The following C3orf33 variants were observed in gnomAD, a reference collection of about 807,000 sequenced individuals.
The protein encoded by C3orf33 is AP-1 activity suppressor.
C3orf33 carries 23 observed loss-of-function variants against 28.7 expected under a neutral mutation model. That is an observed-to-expected ratio of 0.80 (90% CI 0.58 to 1.13). The LOEUF (loss-of-function observed/expected upper bound fraction) is 1.13. Among genes scored for constraint, C3orf33 ranks in the 50% most tolerant of loss-of-function variants. The pLI is 0.00. For synonymous variants in C3orf33, 119 were observed against 120.5 expected (o/e 0.99, Z 0.08); for missense variants, 327 against 353.4 (o/e 0.93, Z 0.60).
intron 2 of C3orf33, among the ~76,000 whole-genome samples, chr3:155,798,852 A>C (rs1312587350): frequency 6.6e-6 from 1 of 152,200 alleles, no homozygotes; most frequent in Non-Finnish European, 1.5e-5. Flanking sequence ...AACAGGAGAA[A>C]ATATGTGCAA....
At chr3:155,787,913 C>T (rs1015519244) in intron 2 of C3orf33, among the ~76,000 whole-genome samples, 6 of 151,634 alleles carry the variant, frequency 4.0e-5, no homozygotes, top group Non-Finnish European at 4.4e-5. Context: ...CAGTATAGGC[C>T]GGGCGCGGTG....
chr3:155,799,419 T>G (rs1461426171), intron 2 of C3orf33, among the ~76,000 whole-genome samples: 1 of 152,172 alleles, frequency 6.6e-6, no homozygotes, highest in Admixed American at 6.6e-5. Context: ...CTGGGTGCAG[T>G]GGACCATGTC....
intron 4 of C3orf33, among the ~76,000 whole-genome samples, 197 bp downstream of exon 4, chr3:155,767,312 A>G (rs1269219942): frequency 2.0e-5 from 3 of 151,960 alleles, no homozygotes; most frequent in Non-Finnish European, 4.4e-5. Flanking sequence ...TATTTTTTCT[A>G]TATTAAACAT....
intron 2 of C3orf33, among the ~76,000 whole-genome samples, chr3:155,800,521 G>A (rs982202145): frequency 7.0e-6 from 1 of 142,464 alleles, no homozygotes; most frequent in African/African-American, 2.6e-5. Flanking sequence ...TGAGGATGAG[G>A]ATCACTTGAG....
At chr3:155,779,387 C>T (rs937587812) in intron 2 of C3orf33, among the ~76,000 whole-genome samples, 1 of 152,052 alleles carries the variant, frequency 6.6e-6, no homozygotes, top group Non-Finnish European at 1.5e-5. Context: ...CTCTGCCTCC[C>T]GGGTTCAGGC....
At chr3:155,805,591 C>T (rs1370627958) in intron 1 of C3orf33, 2 of 291,914 alleles carry the variant, frequency 6.9e-6, no homozygotes, top group African/African-American at 1.2e-4. Flanking sequence ...GGGTAGCGCA[C>T]GCAACCTGTG....
chr3:155,799,560 A>G (rs1041892405), intron 2 of C3orf33, among the ~76,000 whole-genome samples: 2 of 152,080 alleles, frequency 1.3e-5, no homozygotes, highest in African/African-American at 4.8e-5. Flanking sequence ...ATGGTGGCTC[A>G]CACCTGTGGT....
At chr3:155,784,939 A>G (rs1239118784) in intron 2 of C3orf33, among the ~76,000 whole-genome samples, 2 of 151,758 alleles carry the variant, frequency 1.3e-5, no homozygotes, top group Non-Finnish European at 2.9e-5. Flanking sequence ...AGATCAGCCT[A>G]ATTTATTTAA....
At chr3:155,778,242 T>A (rs970139915) in intron 2 of C3orf33, among the ~76,000 whole-genome samples, 2 of 151,704 alleles carry the variant, frequency 1.3e-5, no homozygotes, top group African/African-American at 4.8e-5. Context: ...CTTGTTTGAA[T>A]GTTGGATTGG....
chr3:155,767,754 C>G (rs1750457749), intron 3 of C3orf33, 85 bp from the exon 4 acceptor site: 1 of 880,102 alleles, frequency 1.1e-6, no homozygotes, highest in African/African-American at 1.7e-5. Context: ...AACAAACAAA[C>G]AAATATATTA....
intron 2 of C3orf33, among the ~76,000 whole-genome samples, chr3:155,797,559 A>G (rs942287978): frequency 1.3e-5 from 2 of 152,196 alleles, no homozygotes; most frequent in African/African-American, 4.8e-5. Flanking sequence ...GAAAAAACCT[A>G]AAGACTCCAC....
chr3:155,787,726 C>A (rs1252005975), intron 2 of C3orf33, among the ~76,000 whole-genome samples: 2 of 150,262 alleles, frequency 1.3e-5, no homozygotes, highest in African/African-American at 2.5e-5. Context: ...GTTGCCCAAG[C>A]TGGCCTTGAA....
intron 2 of C3orf33, among the ~76,000 whole-genome samples, chr3:155,782,201 C>A (rs115737759): frequency 0.016 from 2,385 of 148,172 alleles, 28 homozygotes; most frequent in South Asian, 0.041. Flanking sequence ...ATTGAGTCTG[C>A]GGAACAGAAA....
chr3:155,792,734 A>G (rs1751353108), intron 2 of C3orf33, among the ~76,000 whole-genome samples: 1 of 152,018 alleles, frequency 6.6e-6, no homozygotes, highest in Middle Eastern at 3.2e-3. Flanking sequence ...GAACTGATCA[A>G]GCAGAAGAAA....
intron 2 of C3orf33, among the ~76,000 whole-genome samples, chr3:155,799,216 C>G (rs1751569917): frequency 6.6e-6 from 1 of 152,064 alleles, no homozygotes; most frequent in Non-Finnish European, 1.5e-5. Context: ...TTTGGAGGCC[C>G]CACAAAAAAC....
rs75768947 is a variant in C3orf33, at chr3:155,800,648, A to G, written c.174+1884T>C. 8.6e-3 allele frequency among the ~76,000 whole-genome samples: 1,283 copies of G among 148,802 alleles called. 20 individuals are homozygous for G. Among genetic ancestry groups the G allele is most frequent in the East Asian group, 0.058 (292 of 5,036 alleles). On this transcript the variant is annotated intron_variant, in intron 2 of 4. Coordinates refer to ENST00000340171, the MANE Select transcript of C3orf33 (RefSeq NM_001308229.2). ...AAAAAAAAAAAAAAAAAAAGGCAAC[A>G]TACAGAATGGATGTGAGAAAATATT...
At chr3:155,804,628 G>A (rs1751760314) in intron 1 of C3orf33, among the ~76,000 whole-genome samples, 1 of 152,126 alleles carries the variant, frequency 6.6e-6, no homozygotes, top group South Asian at 2.1e-4. Flanking sequence ...TGGCTGTCTT[G>A]ACTTTTTTAC....
intron 2 of C3orf33, among the ~76,000 whole-genome samples, chr3:155,791,131 C>G (rs541580156): frequency 6.6e-6 from 1 of 152,132 alleles, no homozygotes; most frequent in Non-Finnish European, 1.5e-5. Context: ...GAAACCAGCT[C>G]AGCTATAGTA....
At chr3:155,805,671 G>A (rs1204727964) in intron 1 of C3orf33, 9 of 455,368 alleles carry the variant, frequency 2.0e-5, no homozygotes, top group Admixed American at 2.3e-5. Flanking sequence ...GCAGCAGTGA[G>A]CTATGATCGT....
Sources: allele counts gnomAD v4.1 joint callset (sites outside exome capture counted in the v4.1 genomes callset), GRCh38; gene constraint gnomAD v4.1.1; transcripts MANE v1.5; gene names NCBI Gene and HGNC (gene_info 2026-07-23, HGNC 2026-07-21).